ADGRB3: variants seen among roughly 807,000 people sequenced by gnomAD.
ADGRB3 encodes the protein adhesion G protein-coupled receptor B3, also known as brain-specific angiogenesis inhibitor 3.
Under a neutral mutation model 193.4 loss-of-function variants are expected in ADGRB3, and 37 were observed. That is an observed-to-expected ratio of 0.19 (90% confidence interval 0.15 to 0.25). The LOEUF (loss-of-function observed/expected upper bound fraction) is 0.25. Among genes scored for constraint, ADGRB3 ranks in the 10% least tolerant of loss-of-function variants. The pLI is 1.00. For synonymous variants in ADGRB3, 690 were observed against 644.2 expected (o/e 1.07, Z -1.08); for missense variants, 1,637 against 1,852.9 (o/e 0.88, Z 2.14).
At chr6:68,721,395 G>A (rs1371569919) in intron 3 of ADGRB3, among the ~76,000 whole-genome samples, 6 of 150,772 alleles carry the variant, frequency 4.0e-5, no homozygotes, top group Non-Finnish European at 7.4e-5. Flanking sequence ...CAAACACTGC[G>A]TGTTCTCACT....
intron 3 of ADGRB3, among the ~76,000 whole-genome samples, chr6:68,838,650 G>A (rs1768091198): frequency 6.6e-6 from 1 of 152,146 alleles, no homozygotes; most frequent in Admixed American, 6.6e-5. Flanking sequence ...GGTTTAAGTA[G>A]GTGTTGGGAT....
chr6:68,988,152 A>G (rs72906791), intron 10 of ADGRB3, among the ~76,000 whole-genome samples: 5,411 of 152,244 alleles, frequency 0.036, 132 homozygotes, highest in Non-Finnish European at 0.052. Context: ...ATTATAGTGG[A>G]AACAAAGATG....
chr6:68,673,782 T>C (rs994884040), intron 3 of ADGRB3, among the ~76,000 whole-genome samples: 1 of 152,092 alleles, frequency 6.6e-6, no homozygotes, highest in African/African-American at 2.4e-5. Context: ...TATTTCTAAA[T>C]TTAGTGCCTA....
chr6:68,823,600 G>A (rs78344120), intron 3 of ADGRB3, among the ~76,000 whole-genome samples: 10,254 of 152,012 alleles, frequency 0.067, 479 homozygotes, highest in Non-Finnish European at 0.095. Context: ...ATGGAAAGAT[G>A]TCTTAGAACT....
intron 3 of ADGRB3, among the ~76,000 whole-genome samples, chr6:68,858,646 A>T (rs1288146431): frequency 6.6e-6 from 1 of 151,136 alleles, no homozygotes; most frequent in African/African-American, 2.4e-5. Flanking sequence ...TATTCACCCA[A>T]CTAAAAAGTA....
At chr6:69,267,299 A>C (rs1213267300) in intron 20 of ADGRB3, among the ~76,000 whole-genome samples, 1 of 152,098 alleles carries the variant, frequency 6.6e-6, no homozygotes, top group Non-Finnish European at 1.5e-5. Flanking sequence ...CTTGTCCCAC[A>C]TTATGGGGAG....
At chr6:69,111,216 C>A (rs1275166016) in intron 17 of ADGRB3, among the ~76,000 whole-genome samples, 1 of 152,164 alleles carries the variant, frequency 6.6e-6, no homozygotes, top group Non-Finnish European at 1.5e-5. Flanking sequence ...AATAGCACAA[C>A]CATTCTTAGG....
intron 17 of ADGRB3, among the ~76,000 whole-genome samples, chr6:69,146,321 G>A (rs1314296306): frequency 1.3e-5 from 2 of 152,244 alleles, no homozygotes; most frequent in Non-Finnish European, 2.9e-5. Context: ...TTTGCTCAAA[G>A]ATCAGAGTGA....
chr6:68,728,769 G>A (rs1363557201), intron 3 of ADGRB3, among the ~76,000 whole-genome samples: 1 of 151,566 alleles, frequency 6.6e-6, no homozygotes, highest in Non-Finnish European at 1.5e-5. Flanking sequence ...AATCAGCAAG[G>A]AAAGGCAGAA....
At chr6:69,366,929 G>T (rs1243314441) in intron 29 of ADGRB3, among the ~76,000 whole-genome samples, 2 of 152,064 alleles carry the variant, frequency 1.3e-5, no homozygotes, top group Non-Finnish European at 2.9e-5. Context: ...AATGGATCTT[G>T]CCCCTGTGGA....
chr6:69,240,281 C>G (rs1398216), intron 20 of ADGRB3, among the ~76,000 whole-genome samples: 3 of 151,966 alleles, frequency 2.0e-5, no homozygotes, highest in African/African-American at 4.8e-5. Context: ...CCACATTGCC[C>G]TAGGCCAGGG....
chr6:68,883,269 G>A (rs1323185028), intron 3 of ADGRB3, among the ~76,000 whole-genome samples: 2 of 152,004 alleles, frequency 1.3e-5, no homozygotes, highest in African/African-American at 2.4e-5. Context: ...CTGTCAAAAC[G>A]GACCAATCAG....
chr6:69,330,625 A>G lies in ADGRB3; in HGVS notation c.3102+53A>G, dbSNP rs951495855. On this transcript the variant is annotated intron_variant, in intron 23 of 31. Transcript: ENST00000370598. ...TTTCTTAGGAAAAAAAAAAAAGACTACTTTCTTTCAATTAGAGTGGCAATT... is the reference window on the plus strand; with the variant it reads ...TTTCTTAGGAAAAAAAAAAAAGACTGCTTTCTTTCAATTAGAGTGGCAATT... The G allele has an allele frequency of 2.8e-5, 41 of 1,467,038 alleles. No individual in the cohort carries two copies. The Middle Eastern group carries it at 7.2e-4, about 26-fold the overall frequency. The allele number at this position is 1,467,038 out of a possible 1,614,324, so 90.9% of individuals were successfully genotyped here.
At chr6:68,914,088 T>A (rs1332199317) in intron 3 of ADGRB3, among the ~76,000 whole-genome samples, 2 of 151,370 alleles carry the variant, frequency 1.3e-5, no homozygotes, top group South Asian at 4.2e-4. Context: ...GAAAGTGATG[T>A]GGAGAATGGA....
chr6:69,271,703 C>A (rs969486321), intron 20 of ADGRB3, among the ~76,000 whole-genome samples: 1 of 152,104 alleles, frequency 6.6e-6, no homozygotes, highest in East Asian at 1.9e-4. Context: ...CTTTCTCCCT[C>A]TCTGTATCTC....
chr6:69,323,868 G>A (rs1398959543), intron 20 of ADGRB3, among the ~76,000 whole-genome samples: 1 of 152,116 alleles, frequency 6.6e-6, no homozygotes, highest in African/African-American at 2.4e-5. Flanking sequence ...GATGGTGGTA[G>A]AGATGAGAAG....
chr6:69,036,685 G>C (rs755747640), intron 13 of ADGRB3, among the ~76,000 whole-genome samples: 3 of 152,088 alleles, frequency 2.0e-5, no homozygotes, highest in Non-Finnish European at 2.9e-5. Flanking sequence ...GGAGACCCAT[G>C]GATAAGTACA....
At chr6:68,871,302 C>T (rs1007479063) in intron 3 of ADGRB3, among the ~76,000 whole-genome samples, 1 of 152,138 alleles carries the variant, frequency 6.6e-6, no homozygotes, top group African/African-American at 2.4e-5. Context: ...TTAACATTAA[C>T]ATTTTGAGAA....
At chr6:69,296,648 C>A (rs1056163134) in intron 20 of ADGRB3, among the ~76,000 whole-genome samples, 1 of 152,110 alleles carries the variant, frequency 6.6e-6, no homozygotes, top group Non-Finnish European at 1.5e-5. Flanking sequence ...GATGGCCATT[C>A]TCTTAGTAAT....
Sources: gnomAD v4.1 joint callset for allele counts (sites outside exome capture counted in the v4.1 genomes callset) on GRCh38, gnomAD v4.1.1 for gene constraint, MANE v1.5 for transcripts, NCBI Gene and HGNC (gene_info 2026-07-23, HGNC 2026-07-21) for gene names.